ZCCHC14: variants seen among roughly 807,000 people sequenced by gnomAD.
The protein encoded by ZCCHC14 is zinc finger CCHC domain-containing protein 14.
Under a neutral mutation model 85.0 loss-of-function variants are expected in ZCCHC14, and 16 were observed. The ratio of observed to expected loss-of-function variants is 0.19; its 90% CI spans 0.13 to 0.29. The LOEUF is 0.29. Among genes scored for constraint, ZCCHC14 ranks in the 10% least tolerant of loss-of-function variants. ZCCHC14 has a pLI of 1.00. For missense variants in ZCCHC14, 1,303 were observed against 1,443.5 expected (o/e 0.90, Z 1.58); for synonymous variants, 775 against 630.7 (o/e 1.23, Z -3.43).
chr16:87,436,480 G>C (rs914611080), intron 2 of ZCCHC14, among the ~76,000 whole-genome samples: 2 of 152,262 alleles, frequency 1.3e-5, no homozygotes, highest in Non-Finnish European at 2.9e-5. Context: ...GCTAGTGCGG[G>C]GGCTGGGTGA....
At chr16:87,446,446 C>T (rs377410942) in intron 2 of ZCCHC14, among the ~76,000 whole-genome samples, 18 of 150,378 alleles carry the variant, frequency 1.2e-4, no homozygotes, top group East Asian at 1.2e-3. Context: ...ATTGCGCCAC[C>T]GCACTCCAGC....
intron 2 of ZCCHC14, among the ~76,000 whole-genome samples, chr16:87,459,341 C>T (rs928150867): frequency 7.9e-5 from 12 of 151,754 alleles, no homozygotes; most frequent in African/African-American, 2.9e-4. Flanking sequence ...AAACTTATTC[C>T]TCCCACCCTT....
intron 2 of ZCCHC14, among the ~76,000 whole-genome samples, chr16:87,455,376 A>G (rs1461416681): frequency 6.6e-6 from 1 of 152,104 alleles, no homozygotes; most frequent in African/African-American, 2.4e-5. Context: ...CCAATGAACA[A>G]CACAGTGACA....
chr16:87,439,034 AC>A (rs1426046633), intron 2 of ZCCHC14, among the ~76,000 whole-genome samples: 2 of 152,210 alleles, frequency 1.3e-5, no homozygotes, highest in African/African-American at 2.4e-5. Flanking sequence ...AAGACAAGCC[AC>A]GAACATTACC....
chr16:87,467,909 C>T (rs1419113766), intron 1 of ZCCHC14, among the ~76,000 whole-genome samples: 3 of 152,176 alleles, frequency 2.0e-5, no homozygotes. Flanking sequence ...CCTCAGCCTC[C>T]CAAAGTGCTG....
At chr16:87,449,637 T>C (rs566322866) in intron 2 of ZCCHC14, among the ~76,000 whole-genome samples, 1 of 152,172 alleles carries the variant, frequency 6.6e-6, no homozygotes, top group Non-Finnish European at 1.5e-5. Flanking sequence ...CTTTATTAAG[T>C]GGTTTAATCT....
chr16:87,489,803 C>T (rs186837828), intron 1 of ZCCHC14, among the ~76,000 whole-genome samples: 2 of 152,320 alleles, frequency 1.3e-5, no homozygotes, highest in South Asian at 2.1e-4. Flanking sequence ...ATTTAGCTCA[C>T]TGCCCAATCA....
intron 1 of ZCCHC14, among the ~76,000 whole-genome samples, chr16:87,468,755 G>C (rs1431936053): frequency 6.6e-6 from 1 of 152,222 alleles, no homozygotes; most frequent in Non-Finnish European, 1.5e-5. Context: ...GATTCTCGTG[G>C]CATGCAGCCA....
Position 87,492,297 on chromosome 16 carries a change from G to T in ZCCHC14, c.-59C>A. ...GGGGACCGCGCGGGGGCGGCCGGGG[G>T]GCGCCGGGGGCCGCGGCCGGGGCGC... On this transcript the variant is annotated 5_prime_UTR_variant, in exon 1 of 13. Coordinates refer to ENST00000671377, the MANE Select transcript of ZCCHC14 (RefSeq NM_015144.3). The surrounding 1 kb of genome is among the most constrained non-coding windows in gnomAD (Gnocchi z 6.7). 4.3e-6 allele frequency: 4 copies of T among 930,814 alleles called. No individual in the cohort carries two copies. Among genetic ancestry groups the T allele is most frequent in the Non-Finnish European group, 5.1e-6 (4 of 783,992 alleles). The allele number at this position is 930,814 out of a possible 1,614,324, so 57.7% of individuals were successfully genotyped here. A position where few individuals can be genotyped will look rare whatever the true frequency, so the allele number is the denominator to read the frequency against.
At chr16:87,438,639 A>G (rs1447237134) in intron 2 of ZCCHC14, among the ~76,000 whole-genome samples, 6 of 152,272 alleles carry the variant, frequency 3.9e-5, no homozygotes, top group Non-Finnish European at 8.8e-5. Flanking sequence ...TAAAAACAGG[A>G]AATGGTCCTA....
chr16:87,426,941 C>A (rs776152358), intron 3 of ZCCHC14, among the ~76,000 whole-genome samples: 3 of 152,204 alleles, frequency 2.0e-5, no homozygotes, highest in African/African-American at 7.2e-5. Flanking sequence ...AGGAATGAAA[C>A]GCTCAACTAA....
chr16:87,447,580 A>G (rs1284543685), intron 2 of ZCCHC14, among the ~76,000 whole-genome samples: 1 of 152,196 alleles, frequency 6.6e-6, no homozygotes, highest in Non-Finnish European at 1.5e-5. Flanking sequence ...GTATAAATAT[A>G]CCACAGCTTG....
At position 87,471,204 on chromosome 16, in the gene ZCCHC14, T is replaced by C. The variant is rs143358741; in HGVS notation, c.571-11073A>G. 3.7e-3 allele frequency: 560 copies of C among 152,338 alleles called. 3 individuals carry two copies. The highest frequency in any genetic ancestry group is 0.013 in the African/African-American group (532 of 41,574). 9.4% of individuals were successfully genotyped at this position (152,338 alleles called of 1,614,324 possible). ...GGAAGGAGTAACGTCTGTTAAATAC[T>C]TTTAAGTTAACGTAAAAAACATAAA... On this transcript the variant is annotated intron_variant, in intron 1 of 12. Transcript: ENST00000671377.
At chr16:87,462,629 A>G (rs1911320533) in intron 1 of ZCCHC14, among the ~76,000 whole-genome samples, 1 of 151,838 alleles carries the variant, frequency 6.6e-6, no homozygotes, top group African/African-American at 2.4e-5. Context: ...AGTCCCAGCT[A>G]CTCGGGAGGC....
intron 8 of ZCCHC14, 32 bp from the exon 9 acceptor site, chr16:87,415,399 G>C: frequency 6.3e-7 from 1 of 1,583,288 alleles, no homozygotes; most frequent in Non-Finnish European, 8.7e-7. Flanking sequence ...ACAAAGTTAC[G>C]GAGACATAAG....
chr16:87,427,413 T>G lies in ZCCHC14; in HGVS notation c.769-3532A>C, dbSNP rs371370067. On this transcript the variant is annotated intron_variant, in intron 3 of 12. Transcript: ENST00000671377. ...AGTCAGTGTTGCTTGGGGTATGAAC[T>G]TTTTTTTCTTTTTGAGACAGAGTTT... Among the ~76,000 whole-genome samples, 22 of 152,216 alleles carry G rather than the reference T, an allele frequency of 1.4e-4. No homozygotes were observed. In the East Asian group the frequency reaches 2.5e-3, roughly 17 times the overall value.
intron 1 of ZCCHC14, among the ~76,000 whole-genome samples, chr16:87,476,318 G>C (rs1912004026): frequency 6.6e-6 from 1 of 151,998 alleles, no homozygotes; most frequent in African/African-American, 2.4e-5. Context: ...CTTAGGGGTT[G>C]GGGGAAAAAA....
chr16:87,443,161 G>A lies in ZCCHC14; in HGVS notation c.695-9960C>T, dbSNP rs2150745585. Among the ~76,000 whole-genome samples the A allele has an allele frequency of 1.3e-5, 2 of 152,338 alleles. 1 individual carries two copies. Among genetic ancestry groups the A allele is most frequent in the Middle Eastern group, 6.8e-3 (2 of 294 alleles). On this transcript the variant is annotated intron_variant, in intron 2 of 12. Coordinates refer to ENST00000671377, the MANE Select transcript of ZCCHC14 (RefSeq NM_015144.3). ...AAAATCATTAACGCGGTCCCAAGCA[G>A]CTTTCGATGCCTGCGGATAGAATTC...
At chr16:87,442,360 T>G (rs1345569306) in intron 2 of ZCCHC14, among the ~76,000 whole-genome samples, 1 of 152,154 alleles carries the variant, frequency 6.6e-6, no homozygotes, top group African/African-American at 2.4e-5. Flanking sequence ...ACATTCTCTG[T>G]AGGATTAAAG....
Sources: gnomAD v4.1 joint callset for allele counts (sites outside exome capture counted in the v4.1 genomes callset) on GRCh38, gnomAD v4.1.1 for gene constraint, Gnocchi (gnomAD v3.1) non-coding constraint, MANE v1.5 for transcripts, NCBI Gene and HGNC (gene_info 2026-07-23, HGNC 2026-07-21) for gene names.